The following PIK3C2G variants were observed in gnomAD, a reference collection of about 807,000 sequenced individuals.
PIK3C2G encodes phosphatidylinositol-4-phosphate 3-kinase catalytic subunit type 2 gamma.
A neutral mutation model predicts 181.1 loss-of-function variants in PIK3C2G; 168 were observed. The ratio of observed to expected loss-of-function variants is 0.93; its 90% CI spans 0.82 to 1.05. PIK3C2G has a LOEUF of 1.05. Ranked by LOEUF, PIK3C2G falls within the 50% of genes least tolerant of loss-of-function variation. PIK3C2G has a pLI of 0.00. For synonymous variants in PIK3C2G, 573 were observed against 592.2 expected (o/e 0.97, Z 0.47); for missense variants, 1,869 against 1,732.8 (o/e 1.08, Z -1.40).
chr12:18,607,861 C>G, intron 30 of PIK3C2G, among the ~76,000 whole-genome samples: 1 of 152,034 alleles, frequency 6.6e-6, no homozygotes, highest in Non-Finnish European at 1.5e-5. Flanking sequence ...AAGAAAAAAA[C>G]AGACAACCCC....
chr12:18,660,260 C>T, the PIK3C2G span, among the ~76,000 whole-genome samples: 1,304 of 152,104 alleles, frequency 8.6e-3, 11 homozygotes, highest in Non-Finnish European at 0.012. Flanking sequence ...CACAGCTTGC[C>T]GAAACCAGCA....
At chr12:18,455,781 TA>T in intron 18 of PIK3C2G, among the ~76,000 whole-genome samples, 1 of 152,262 alleles carries the variant, frequency 6.6e-6, no homozygotes, top group South Asian at 2.1e-4. Flanking sequence ...CTTCATGACC[TA>T]ATCACATCCC....
chr12:18,262,583 A>G (rs1239161782), intron 1 of PIK3C2G, among the ~76,000 whole-genome samples: 1 of 151,742 alleles, frequency 6.6e-6, no homozygotes, highest in Non-Finnish European at 1.5e-5. Context: ...AATAGTGAGC[A>G]TAAGAAAATA....
chr12:18,378,314 T>TCCC (rs780076946), intron 13 of PIK3C2G, among the ~76,000 whole-genome samples: 12 of 144,022 alleles, frequency 8.3e-5, no homozygotes, highest in African/African-American at 3.1e-4. Flanking sequence ...CCTCATGAGT[T>TCCC]CCCCCCCCCG....
In PIK3C2G at chr12:18,255,252, TAAAC is replaced by T. The variant is rs764503759; in HGVS notation, c.-79+7186_-79+7189del. Among the ~76,000 whole-genome samples the T allele has an allele frequency of 6.0e-3, 866 of 143,690 alleles. 9 individuals are homozygous for T. Among genetic ancestry groups the T allele is most frequent in the Middle Eastern group, 0.028 (8 of 286 alleles). 94.3% of individuals were successfully genotyped at this position (143,690 alleles called of 152,430 possible). A position where few individuals can be genotyped will look rare whatever the true frequency, so the allele number is the denominator to read the frequency against. On this transcript the variant is annotated intron_variant, in intron 1 of 11. Coordinates refer to the PIK3C2G transcript ENST00000535651. Reference sequence around the variant, plus strand: ...ATAAATAAATAAATAAATAAATAAATAAACAAACAAACAAACAAATAAATGAAAG... The same window carrying T: ...ATAAATAAATAAATAAATAAATAAATAAACAAACAAACAAATAAATGAAAG...
At chr12:18,454,444 G>A (rs1476025549) in intron 18 of PIK3C2G, among the ~76,000 whole-genome samples, 1 of 152,164 alleles carries the variant, frequency 6.6e-6, no homozygotes, top group East Asian at 1.9e-4. Flanking sequence ...GAGTTCAAAG[G>A]TATTAGAGTG....
At position 18,424,029 on chromosome 12, in the gene PIK3C2G, C is replaced by T. The variant is rs778117246; in HGVS notation, c.2494C>T (p.Arg832Cys). ...RSLQSIQVAH[R>C]LYWLLKNAEN... The stretch of plus-strand genomic sequence containing the variant: ...CTTGCAGAGCATCCAGGTTGCCCAT[C>T]GTCTTTACTGGTAAGATTAACTAAA... Residue 832 changes from arginine to cysteine, a missense_variant, in exon 18 of 33, where the codon CGT becomes TGT. By Grantham distance (180) the Arg-to-Cys change is radical. Coordinates refer to ENST00000538779, the MANE Select transcript of PIK3C2G (RefSeq NM_001288772.2). 14 of 1,604,460 alleles carry T rather than the reference C, an allele frequency of 8.7e-6. No homozygotes were observed. The highest frequency in any genetic ancestry group is 6.7e-5 in the Admixed American group (4 of 59,448).
At chr12:18,632,617 T>C (rs1243145254) in intron 31 of PIK3C2G, among the ~76,000 whole-genome samples, 1 of 152,124 alleles carries the variant, frequency 6.6e-6, no homozygotes, top group Non-Finnish European at 1.5e-5. Context: ...AAACTGAAGA[T>C]TCACAAAAAC....
chr12:18,607,640 C>T (rs1021909214), intron 30 of PIK3C2G, among the ~76,000 whole-genome samples: 10 of 152,196 alleles, frequency 6.6e-5, no homozygotes, highest in East Asian at 5.8e-4. Context: ...TAGGCATGGG[C>T]GAGGACTTCA....
Position 18,496,082 on chromosome 12 carries a change from T to C in PIK3C2G, c.2814T>C (p.Ser938=). The change falls in exon 21 of 33, where the codon TCT becomes TCC. Residue 938 remains serine (S), a synonymous_variant. Coordinates refer to ENST00000538779, the MANE Select transcript of PIK3C2G (RefSeq NM_001288772.2). ...IDHDACSYFT[S]NALPLKITFI... The stretch of plus-strand genomic sequence containing the variant: ...TATAGGCATGTTCATATTTTACATC[T>C]AATGCTTTGCCATTGAAGATTACTT... 6.5e-7 allele frequency: 1 copy of C among 1,530,348 alleles called. No homozygotes were observed. Among genetic ancestry groups the C allele is most frequent in the Non-Finnish European group, 8.8e-7 (1 of 1,133,570 alleles). 94.8% of individuals were successfully genotyped at this position (1,530,348 alleles called of 1,614,324 possible). A position where few individuals can be genotyped will look rare whatever the true frequency, so the allele number is the denominator to read the frequency against.
chr12:18,663,063 G>T, the PIK3C2G span, among the ~76,000 whole-genome samples: 90,628 of 151,784 alleles, frequency 0.6, 27,217 homozygotes, highest in South Asian at 0.67. Flanking sequence ...AGACATAGAT[G>T]GAAAACTACC....
chr12:18,391,177 G>A lies in PIK3C2G; in HGVS notation c.2051G>A (p.Arg684Lys), dbSNP rs1271506337. 1.2e-6 allele frequency: 2 copies of A among 1,608,984 alleles called. No homozygotes were observed. Among genetic ancestry groups the A allele is most frequent in the Non-Finnish European group, 1.7e-6 (2 of 1,176,880 alleles). ...ATGAAACCTGATTCTGAAGAGAATA[G>A]AAGTAATCTTGAAGAGCCACTAAAG... Reference protein sequence around the residue: ...EYMKPDSEENRSNLEEPLKEC... With the variant: ...EYMKPDSEENKSNLEEPLKEC... The change falls in exon 15 of 33, where the codon AGA (arginine) becomes AAA (lysine). Residue 684 changes from arginine to lysine, a missense_variant. Arg to Lys is a conservative substitution (Grantham distance 26). Coordinates refer to ENST00000538779, the MANE Select transcript of PIK3C2G (RefSeq NM_001288772.2).
At chr12:18,289,886 A>AT (rs1949615140) in intron 3 of PIK3C2G, among the ~76,000 whole-genome samples, 1 of 362 alleles carries the variant, frequency 2.8e-3, no homozygotes, top group African/African-American at 5.6e-3. Flanking sequence ...CATAGTTAAC[A>AT]TAAAAAAAAC....
chr12:18,636,456 C>G (rs974705182), intron 31 of PIK3C2G, among the ~76,000 whole-genome samples: 2 of 152,110 alleles, frequency 1.3e-5, no homozygotes, highest in South Asian at 2.1e-4. Context: ...GTCTCGAACT[C>G]CCGACCTCAT....
In PIK3C2G at chr12:18,546,334, A is replaced by C. The variant is rs747321032; in HGVS notation, c.3492A>C (p.Ala1164=). ...TTGTTGTGGTTAAGATGCTGTATGC[A>C]GGACTGCCTGAGCTAAGTGGAATTC... is the stretch of plus-strand genomic sequence containing the variant. ...LLNLLEMMLY[A]GLPELSGIQD... Residue 1164 remains alanine, a synonymous_variant, in exon 26 of 33, where the codon GCA becomes GCC. Coordinates refer to ENST00000538779, the MANE Select transcript of PIK3C2G (RefSeq NM_001288772.2). 1.9e-6 allele frequency: 3 copies of C among 1,582,018 alleles called. No homozygotes were observed. The South Asian group carries it at 3.4e-5, about 18-fold the overall frequency.
the PIK3C2G span, among the ~76,000 whole-genome samples, chr12:18,665,934 C>CAA: frequency 0.027 from 3,481 of 128,334 alleles, 59 homozygotes; most frequent in Middle Eastern, 0.045. Flanking sequence ...GACTCCATCT[C>CAA]AAAAAAAAAA....
intron 16 of PIK3C2G, among the ~76,000 whole-genome samples, chr12:18,403,145 C>A (rs139584717): frequency 6.6e-6 from 1 of 152,198 alleles, no homozygotes; most frequent in East Asian, 1.9e-4. Context: ...GAGCACTTAG[C>A]GATCTCGGTC....
intron 16 of PIK3C2G, among the ~76,000 whole-genome samples, chr12:18,418,556 G>T (rs1009677643): frequency 6.6e-6 from 1 of 152,140 alleles, no homozygotes; most frequent in Non-Finnish European, 1.5e-5. Flanking sequence ...TAGTTTAAGG[G>T]ATTTGATAAG....
chr12:18,705,118 T>G, the PIK3C2G span: 1 of 1,601,500 alleles, frequency 6.2e-7, no homozygotes, highest in South Asian at 1.1e-5. Flanking sequence ...AGTGACATGT[T>G]TTCATGGACT....
Sources: allele counts gnomAD v4.1 joint callset (sites outside exome capture counted in the v4.1 genomes callset), GRCh38; gene constraint gnomAD v4.1.1; transcripts MANE v1.5; gene names NCBI Gene and HGNC (gene_info 2026-07-23, HGNC 2026-07-21).